The following RP1 variants were observed in gnomAD, a reference collection of about 807,000 sequenced individuals.
RP1 encodes the protein oxygen-regulated protein 1.
Under a neutral mutation model 14.8 loss-of-function variants are expected in RP1, and 16 were observed. That is an observed-to-expected ratio of 1.08 (90% CI 0.73 to 1.65). The LOEUF (loss-of-function observed/expected upper bound fraction) is 1.65. Among genes scored for constraint, RP1 ranks in the 40% most tolerant of loss-of-function variants. The pLI is 0.00. For synonymous variants in RP1, 876 were observed against 883.6 expected, an observed-to-expected ratio of 0.99 and a Z score of 0.15; for missense variants, 2,631 against 2,535.0, an observed-to-expected ratio of 1.04 and a Z score of -0.81.
At chr8:54,592,326 T>C (rs1229907958) in intron 1 of RP1, among the ~76,000 whole-genome samples, 1 of 152,126 alleles carries the variant, frequency 6.6e-6, no homozygotes, top group Non-Finnish European at 1.5e-5. Context: ...ATTTTCTGGT[T>C]AGGGTGACAG....
intron 19 of RP1, among the ~76,000 whole-genome samples, chr8:54,745,204 T>A (rs1257267960): frequency 2.0e-5 from 3 of 152,188 alleles, no homozygotes; most frequent in Non-Finnish European, 2.9e-5. Context: ...AAGTTGTCAT[T>A]GTAATTGTCC....
At chr8:54,648,073 G>GCT (rs770387019) in intron 3 of RP1, among the ~76,000 whole-genome samples, 3 of 151,758 alleles carry the variant, frequency 2.0e-5, no homozygotes, top group Admixed American at 6.6e-5. Context: ...CTTCGCGTGT[G>GCT]CTCTCTCTCT....
rs536712448 is a variant in RP1 at position 54,624,246 on chromosome 8, C to A, written c.788-424C>A. ...CATGAGGTCAGGAGATCGACGAGAC[C>A]ATCCTGGCCAACATGGTGAAAACCT... is the stretch of plus-strand genomic sequence containing the variant. On this transcript the variant is annotated intron_variant, in intron 3 of 3. Transcript: ENST00000220676. Among the ~76,000 whole-genome samples the A allele has an allele frequency of 3.8e-3, 572 of 151,862 alleles. 3 individuals carry two copies. The highest frequency in any genetic ancestry group is 5.9e-3 in the Non-Finnish European group (399 of 67,938).
intron 24 of RP1, among the ~76,000 whole-genome samples, chr8:54,825,830 G>C (rs1811375521): frequency 1.3e-5 from 2 of 152,088 alleles, no homozygotes; most frequent in South Asian, 4.1e-4. Context: ...CCACTGTGGG[G>C]GGCAGAGCAG....
At chr8:54,670,777 T>G (rs1300588033) in intron 7 of RP1, among the ~76,000 whole-genome samples, 1 of 148,064 alleles carries the variant, frequency 6.8e-6, no homozygotes, top group African/African-American at 2.5e-5. Context: ...GTGACAGTTT[T>G]GGAATTAAAC....
chr8:54,718,408 C>T (rs768903062), intron 15 of RP1, among the ~76,000 whole-genome samples: 4 of 152,106 alleles, frequency 2.6e-5, no homozygotes, highest in Non-Finnish European at 5.9e-5. Context: ...TAGAAATAGA[C>T]CCACACAAAT....
At chr8:54,588,165 G>A (rs1236857399) in intron 1 of RP1, among the ~76,000 whole-genome samples, 1 of 152,174 alleles carries the variant, frequency 6.6e-6, no homozygotes, top group Non-Finnish European at 1.5e-5. Flanking sequence ...TATTCCCTGG[G>A]ATAGGAAGCT....
chr8:54,684,748 A>T (rs1295559780), intron 12 of RP1, among the ~76,000 whole-genome samples: 1 of 151,374 alleles, frequency 6.6e-6, no homozygotes, highest in Non-Finnish European at 1.5e-5. Flanking sequence ...TTATTTTTTA[A>T]GTTTTGAGGT....
At chr8:54,749,191 C>T (rs138674666) in intron 19 of RP1, among the ~76,000 whole-genome samples, 12 of 152,020 alleles carry the variant, frequency 7.9e-5, no homozygotes, top group Admixed American at 3.9e-4. Flanking sequence ...ATTAGCCAGG[C>T]GTGGTGATGG....
At chr8:54,653,302 T>G (rs928262518) in intron 5 of RP1, among the ~76,000 whole-genome samples, 4 of 152,152 alleles carry the variant, frequency 2.6e-5, no homozygotes, top group African/African-American at 9.6e-5. Flanking sequence ...ATTTTTAAGA[T>G]TAAAAAAAGG....
chr8:54,695,181 GAGAC>G (rs935444760), intron 12 of RP1, among the ~76,000 whole-genome samples: 2 of 152,126 alleles, frequency 1.3e-5, no homozygotes, highest in Non-Finnish European at 2.9e-5. Flanking sequence ...TGTGGTCTGA[GAGAC>G]AGTTTGTTAT....
chr8:54,751,794 AT>A (rs1288564563), intron 19 of RP1, among the ~76,000 whole-genome samples: 2 of 152,222 alleles, frequency 1.3e-5, no homozygotes, highest in African/African-American at 4.8e-5. Flanking sequence ...AAAAACAAAC[AT>A]TGCTGGAGAT....
intron 12 of RP1, among the ~76,000 whole-genome samples, chr8:54,686,176 G>T (rs1294715813): frequency 6.6e-6 from 1 of 152,132 alleles, no homozygotes; most frequent in African/African-American, 2.4e-5. Context: ...TGACATTTTT[G>T]CAACAGGAGG....
At chr8:54,606,062 T>C (rs982568874) in intron 1 of RP1, among the ~76,000 whole-genome samples, 2 of 152,182 alleles carry the variant, frequency 1.3e-5, no homozygotes, top group African/African-American at 4.8e-5. Flanking sequence ...AATATTGTTA[T>C]GTGTGAATTT....
At position 54,628,539 on chromosome 8, in the gene RP1, A is replaced by T; in HGVS notation, c.4657A>T (p.Asn1553Tyr). 1 of 1,614,038 alleles carries T rather than the reference A, an allele frequency of 6.2e-7. No homozygotes were observed. The highest frequency in any genetic ancestry group is 1.1e-5 in the South Asian group (1 of 91,064). The change falls in exon 4 of 4, where the codon AAT becomes TAT. Residue 1553 changes from asparagine to tyrosine, a missense_variant. By Grantham distance (143) the Asn-to-Tyr change is moderately radical. Transcript: ENST00000220676. ...TAAGCAAAATAGTGAAAAGGAGACC[A>T]ATGAAGGAGAAACTAAGATGGTAAA... ...DSKQNSEKET[N>Y]EGETKMVKMM...
At chr8:54,730,570 G>A (rs895636372) in intron 17 of RP1, among the ~76,000 whole-genome samples, 4 of 151,978 alleles carry the variant, frequency 2.6e-5, no homozygotes, top group African/African-American at 9.7e-5. Flanking sequence ...TGCATTTCTG[G>A]TTTATATTAA....
chr8:54,700,442 A>T (rs1481105895), intron 13 of RP1, among the ~76,000 whole-genome samples: 1 of 152,082 alleles, frequency 6.6e-6, no homozygotes, highest in African/African-American at 2.4e-5. Flanking sequence ...TATGCCTGAA[A>T]TTCTGACTAA....
At chr8:54,741,705 GTGTATATATATATATATATATATATA>G (rs1242626130) in intron 19 of RP1, among the ~76,000 whole-genome samples, 2 of 75,894 alleles carry the variant, frequency 2.6e-5, no homozygotes, top group African/African-American at 1.2e-4. Flanking sequence ...ACAAATGTGT[GTGTATATATATATATATATATATATA>G]TATATATATA....
At chr8:54,810,532 AT>A (rs1241749500) in intron 24 of RP1, among the ~76,000 whole-genome samples, 2 of 152,002 alleles carry the variant, frequency 1.3e-5, no homozygotes, top group African/African-American at 4.8e-5. Flanking sequence ...ATATTGAATT[AT>A]TTTTTTCCTT....
Sources: allele counts gnomAD v4.1 joint callset (sites outside exome capture counted in the v4.1 genomes callset), GRCh38; gene constraint gnomAD v4.1.1; transcripts MANE v1.5; gene names NCBI Gene and HGNC (gene_info 2026-07-23, HGNC 2026-07-21).